The following MDGA2 variants were observed in gnomAD, a reference collection of about 807,000 sequenced individuals.
MDGA2 encodes MAM domain-containing glycosylphosphatidylinositol anchor protein 2.
A neutral mutation model predicts 117.8 loss-of-function variants in MDGA2; 40 were observed. That is an observed-to-expected ratio of 0.34 (90% CI 0.26 to 0.44). The LOEUF (loss-of-function observed/expected upper bound fraction) is 0.44. MDGA2 is among the 20% of genes least tolerant of loss of function. The probability of loss-of-function intolerance (pLI) is 1.00; values close to 1 mark genes in which losing one functional copy is unlikely to be tolerated. For missense variants in MDGA2, 1,123 were observed against 1,250.6 expected (o/e 0.90, Z 1.54); for synonymous variants, 452 against 439.0 (o/e 1.03, Z -0.37).
At chr14:46,948,507 C>A (rs1885252647) in intron 9 of MDGA2, among the ~76,000 whole-genome samples, 2 of 151,890 alleles carry the variant, frequency 1.3e-5, no homozygotes, top group South Asian at 4.1e-4. Context: ...TACTCTAGGT[C>A]CAGGCACTGC....
intron 2 of MDGA2, among the ~76,000 whole-genome samples, chr14:47,282,561 G>A (rs551736019): frequency 1.3e-4 from 20 of 152,108 alleles, no homozygotes; most frequent in African/African-American, 4.8e-4. Context: ...AGCCGGGTGT[G>A]GCGGCAGGCG....
chr14:47,553,702 G>C (rs945016910), intron 1 of MDGA2, among the ~76,000 whole-genome samples: 5 of 151,466 alleles, frequency 3.3e-5, no homozygotes, highest in African/African-American at 9.7e-5. Context: ...GTGTGTATGT[G>C]TATATATACT....
intron 3 of MDGA2, among the ~76,000 whole-genome samples, chr14:47,195,106 C>A (rs1287906828): frequency 6.6e-6 from 1 of 151,948 alleles, no homozygotes; most frequent in Non-Finnish European, 1.5e-5. Flanking sequence ...AATGATAGTA[C>A]ATATTCTATT....
At chr14:47,379,234 C>A (rs1891550916) in intron 1 of MDGA2, among the ~76,000 whole-genome samples, 1 of 152,310 alleles carries the variant, frequency 6.6e-6, no homozygotes, top group Non-Finnish European at 1.5e-5. Flanking sequence ...TGGAAAGGAA[C>A]AACTGGTAGC....
chr14:47,318,919 T>C (rs539262708), intron 1 of MDGA2, among the ~76,000 whole-genome samples: 18 of 152,308 alleles, frequency 1.2e-4, no homozygotes, highest in African/African-American at 3.8e-4. Flanking sequence ...CTAAATTCTA[T>C]CTTTTCCTAA....
intron 6 of MDGA2, among the ~76,000 whole-genome samples, chr14:47,089,167 T>C (rs1891017323): frequency 6.6e-6 from 1 of 152,082 alleles, no homozygotes; most frequent in African/African-American, 2.4e-5. Flanking sequence ...AATGCAAGAA[T>C]AGAGGAAATA....
At chr14:47,057,416 G>A (rs1192615174) in intron 7 of MDGA2, among the ~76,000 whole-genome samples, 1 of 151,764 alleles carries the variant, frequency 6.6e-6, no homozygotes, top group East Asian at 1.9e-4. Flanking sequence ...ATAACACAGA[G>A]TGTATATGTA....
chr14:47,082,656 G>A (rs932571133), intron 6 of MDGA2, among the ~76,000 whole-genome samples: 2 of 151,818 alleles, frequency 1.3e-5, no homozygotes, highest in East Asian at 1.9e-4. Context: ...ATCCTGAGCC[G>A]GTTTTTCATA....
At chr14:47,479,413 A>G (rs11157561) in intron 1 of MDGA2, among the ~76,000 whole-genome samples, 42,779 of 151,552 alleles carry the variant, frequency 0.28, 6,315 homozygotes, top group South Asian at 0.53. Flanking sequence ...AATAGATAAC[A>G]TCTTCCCTTT....
chr14:47,314,077 G>GAAA (rs1889727007), intron 1 of MDGA2, among the ~76,000 whole-genome samples: 1 of 152,156 alleles, frequency 6.6e-6, no homozygotes, highest in African/African-American at 2.4e-5. Context: ...GAAGTGTATA[G>GAAA]AGATTGAGTA....
chr14:47,628,527 T>TA (rs1897193539), intron 1 of MDGA2, among the ~76,000 whole-genome samples: 1 of 152,216 alleles, frequency 6.6e-6, no homozygotes, highest in African/African-American at 2.4e-5. Context: ...TAAGAAATTG[T>TA]ATAATACAGA....
At chr14:47,171,449 C>G (rs1424229054) in intron 3 of MDGA2, among the ~76,000 whole-genome samples, 1 of 152,052 alleles carries the variant, frequency 6.6e-6, no homozygotes, top group Non-Finnish European at 1.5e-5. Flanking sequence ...GAAAAACTAA[C>G]CAAGGAAGAG....
intron 7 of MDGA2, among the ~76,000 whole-genome samples, chr14:47,045,220 T>A (rs1889213841): frequency 6.6e-6 from 1 of 150,736 alleles, no homozygotes; most frequent in South Asian, 2.1e-4. Context: ...CATGAACAGA[T>A]AAGTGAATGG....
At chr14:46,902,058 C>A (rs3007109) in intron 10 of MDGA2, among the ~76,000 whole-genome samples, 1 of 152,192 alleles carries the variant, frequency 6.6e-6, no homozygotes, top group Non-Finnish European at 1.5e-5. Context: ...GGATATAAAA[C>A]CATGACTTAT....
intron 4 of MDGA2, among the ~76,000 whole-genome samples, chr14:47,143,621 T>C (rs1882815056): frequency 6.6e-6 from 1 of 152,090 alleles, no homozygotes; most frequent in African/African-American, 2.4e-5. Flanking sequence ...AAAACAAACA[T>C]GACTAAAGGA....
At chr14:47,390,752 G>A (rs1891876144) in intron 1 of MDGA2, among the ~76,000 whole-genome samples, 1 of 152,052 alleles carries the variant, frequency 6.6e-6, no homozygotes, top group African/African-American at 2.4e-5. Flanking sequence ...TACTTTTGTG[G>A]GAGAGGCTTT....
intron 2 of MDGA2, among the ~76,000 whole-genome samples, chr14:47,263,658 G>C (rs1887873735): frequency 6.6e-6 from 1 of 152,042 alleles, no homozygotes; most frequent in Non-Finnish European, 1.5e-5. Flanking sequence ...CCAACTCTCA[G>C]GCTTCATTCC....
intron 1 of MDGA2, among the ~76,000 whole-genome samples, chr14:47,661,031 G>A (rs1897836229): frequency 6.6e-6 from 1 of 152,162 alleles, no homozygotes; most frequent in Non-Finnish European, 1.5e-5. Flanking sequence ...TACTTCGCAT[G>A]TGACAAGCTA....
At chr14:47,390,398 T>C (rs1891866937) in intron 1 of MDGA2, among the ~76,000 whole-genome samples, 1 of 152,094 alleles carries the variant, frequency 6.6e-6, no homozygotes, top group Admixed American at 6.5e-5. Flanking sequence ...AGTAGGAGCC[T>C]AACTTTGGCT....
Sources: allele counts gnomAD v4.1 joint callset (sites outside exome capture counted in the v4.1 genomes callset), GRCh38; gene constraint gnomAD v4.1.1; transcripts MANE v1.5; gene names NCBI Gene and HGNC (gene_info 2026-07-23, HGNC 2026-07-21).